IL5RA: variants seen among roughly 807,000 people sequenced by gnomAD.
IL5RA encodes interleukin 5 receptor subunit alpha, also known as interleukin-5 receptor subunit alpha.
In IL5RA, 49 loss-of-function variants were observed where a neutral mutation model predicts 50.0. The observed-to-expected ratio is 0.98, with a 90% CI of 0.78 to 1.24. The LOEUF (loss-of-function observed/expected upper bound fraction) is 1.24, where lower values mean the gene tolerates loss of function less well. Among genes scored for constraint, IL5RA ranks in the 50% most tolerant of loss-of-function variants. IL5RA has a pLI of 0.00. For synonymous variants in IL5RA, 202 were observed against 174.0 expected, an observed-to-expected ratio of 1.16 and a Z score of -1.26; for missense variants, 600 against 500.4, an observed-to-expected ratio of 1.20 and a Z score of -1.90.
chr3:3,081,317 A>G (rs1310074348), intron 9 of IL5RA, among the ~76,000 whole-genome samples: 1 of 152,196 alleles, frequency 6.6e-6, no homozygotes, highest in Non-Finnish European at 1.5e-5. Flanking sequence ...TGAGTAAGGA[A>G]TTCAGCCTGC....
At position 3,101,048 on chromosome 3, in the gene IL5RA, G is replaced by A. The variant is rs550526982; in HGVS notation, c.367+644C>T. Among the ~76,000 whole-genome samples the A allele has an allele frequency of 6.0e-5, 9 of 150,948 alleles. No homozygotes were observed. The South Asian group carries it at 6.3e-4, about 11-fold the overall frequency. ...ACAAAAATTAGTCCAGCATGGAGGC[G>A]CATGCCTATAATCCCAGCTACTCGG... On this transcript the variant is annotated intron_variant, in intron 5 of 11. Coordinates refer to ENST00000446632, the MANE Select transcript of IL5RA (RefSeq NM_175726.4).
intron 11 of IL5RA, 85 bp downstream of exon 11, chr3:3,074,697 T>C: frequency 2.7e-6 from 2 of 734,438 alleles, no homozygotes; most frequent in East Asian, 5.4e-5. Context: ...TGCCTTATAA[T>C]ATAGAAAACT....
At chr3:3,077,580 C>T (rs980329819) in intron 9 of IL5RA, among the ~76,000 whole-genome samples, 3 of 152,170 alleles carry the variant, frequency 2.0e-5, no homozygotes, top group African/African-American at 7.2e-5. Flanking sequence ...ACCAGCCTGG[C>T]CACCATGGTG....
At chr3:3,076,245 C>T (rs187376509) in intron 10 of IL5RA, among the ~76,000 whole-genome samples, 57 of 152,284 alleles carry the variant, frequency 3.7e-4, no homozygotes, top group Admixed American at 3.9e-4. Flanking sequence ...AAAAGAAACC[C>T]GCAAGTAGAA....
chr3:3,089,154 C>T (rs1046723118), intron 9 of IL5RA, among the ~76,000 whole-genome samples: 1 of 152,114 alleles, frequency 6.6e-6, no homozygotes, highest in Non-Finnish European at 1.5e-5. Context: ...AGCCCATTCT[C>T]ACTTCCTTTT....
At chr3:3,099,511 T>TC (rs1455873478) in intron 5 of IL5RA, among the ~76,000 whole-genome samples, 1 of 151,732 alleles carries the variant, frequency 6.6e-6, no homozygotes, top group Non-Finnish European at 1.5e-5. Flanking sequence ...TGCCTATAGT[T>TC]CCAGCTACTC....
intron 3 of IL5RA, among the ~76,000 whole-genome samples, chr3:3,103,395 T>C (rs1703747684): frequency 6.6e-6 from 1 of 152,228 alleles, no homozygotes; most frequent in African/African-American, 2.4e-5. Flanking sequence ...GTTTTAGTAA[T>C]GTGGAAGAAA....
intron 2 of IL5RA, 87 bp from the exon 3 acceptor site, chr3:3,105,074 G>C: frequency 1.2e-6 from 1 of 841,774 alleles, no homozygotes; most frequent in Non-Finnish European, 2.0e-6. Context: ...AAATGCAGTC[G>C]TTTGGCCATT....
intron 3 of IL5RA, among the ~76,000 whole-genome samples, chr3:3,103,540 A>T (rs1703756849): frequency 6.6e-6 from 1 of 152,232 alleles, no homozygotes; most frequent in Non-Finnish European, 1.5e-5. Context: ...ACCTCTTATT[A>T]TGAGTCACAG....
intron 7 of IL5RA, among the ~76,000 whole-genome samples, chr3:3,097,373 T>C (rs4685600): frequency 0.042 from 6,372 of 151,980 alleles, 240 homozygotes; most frequent in Admixed American, 0.11. Flanking sequence ...GGCTATTCTA[T>C]AGGGAAGGGA....
rs1197262807 is a variant in IL5RA, at chr3:3,068,071, TTCA to T, written c.*2151_*2153del. 1.3e-5 allele frequency: 2 copies of T among 152,216 alleles called. No homozygotes were observed. Among genetic ancestry groups the T allele is most frequent in the Admixed American group, 1.3e-4 (2 of 15,280 alleles). The allele number at this position is 152,216 out of a possible 1,614,324, so 9.4% of individuals were successfully genotyped here. On this transcript the variant is annotated 3_prime_UTR_variant, in exon 12 of 12. Coordinates refer to ENST00000446632, the MANE Select transcript of IL5RA (RefSeq NM_175726.4). ...AGCGGCTGATTTTCAAATTTTGGTA[TTCA>T]TAAGACTCTCCTGGAGCAGCAGTTC...
chr3:3,107,249 ATTT>A (rs5846243), intron 2 of IL5RA, among the ~76,000 whole-genome samples: 1 of 148,528 alleles, frequency 6.7e-6, no homozygotes, highest in Non-Finnish European at 1.5e-5. Context: ...AAAGAATGAC[ATTT>A]TTTTTTTTTT....
At chr3:3,096,075 G>A (rs1379465418) in intron 7 of IL5RA, among the ~76,000 whole-genome samples, 1 of 152,008 alleles carries the variant, frequency 6.6e-6, no homozygotes, top group Non-Finnish European at 1.5e-5. Context: ...TCAGGAGATC[G>A]AAACCATCCT....
At position 3,069,324 on chromosome 3, in the gene IL5RA, T is replaced by C. The variant is rs1702222501; in HGVS notation, c.*901A>G. The C allele has an allele frequency of 6.6e-6, 1 of 152,220 alleles. No individual in the cohort carries two copies. Among genetic ancestry groups the C allele is most frequent in the African/African-American group, 2.4e-5 (1 of 41,456 alleles). The allele number at this position is 152,220 out of a possible 1,614,324, so 9.4% of individuals were successfully genotyped here. ...TGATGGAATGGCCTTGTAGAAACTT[T>C]TCCAAACTTGAGAGACTAGGATTGA... is the stretch of plus-strand genomic sequence containing the variant. On this transcript the variant is annotated 3_prime_UTR_variant, in exon 12 of 12. Coordinates refer to ENST00000446632, the MANE Select transcript of IL5RA (RefSeq NM_175726.4).
At position 3,068,734 on chromosome 3, in the gene IL5RA, C is replaced by G. The variant is rs1009611891; in HGVS notation, c.*1491G>C. ...ACCCCTAAGCAGGCCTCAGCTTTCC[C>G]TGACACTCCTCTGCACATTTCTGGG... is the stretch of plus-strand genomic sequence containing the variant. On this transcript the variant is annotated 3_prime_UTR_variant, in exon 12 of 12. Coordinates refer to ENST00000446632, the MANE Select transcript of IL5RA (RefSeq NM_175726.4). 6.6e-6 allele frequency: 1 copy of G among 152,196 alleles called. No individual in the cohort carries two copies. The highest frequency in any genetic ancestry group is 2.4e-5 in the African/African-American group (1 of 41,426). 9.4% of individuals were successfully genotyped at this position (152,196 alleles called of 1,614,324 possible).
rs560582528 is a variant in IL5RA, at chr3:3,070,247, G to A, written c.1241C>T (p.Thr414Ile). 25 of 1,612,188 alleles carry A rather than the reference G, an allele frequency of 1.6e-5. 1 individual carries two copies. In the South Asian group the frequency reaches 2.5e-4, roughly 16 times the overall value. ...ICYIEKPGVE[T>I]LEDSVF ...CAGTCAAAACACAGAATCCTCCAGG[G>A]TCTCAACTCCAGGCTTCTCTATATA... is the stretch of plus-strand genomic sequence containing the variant. Residue 414 changes from threonine (T) to isoleucine (I), a missense_variant, in exon 12 of 12, where the codon ACC becomes ATC. Thr to Ile is a moderately conservative substitution (Grantham distance 89, BLOSUM62 -1). Transcript: ENST00000446632.
At chr3:3,075,828 C>A (rs894368150) in intron 10 of IL5RA, among the ~76,000 whole-genome samples, 20 of 152,116 alleles carry the variant, frequency 1.3e-4, no homozygotes, top group African/African-American at 4.6e-4. Flanking sequence ...TCTCGATCTC[C>A]TGACCTCATG....
chr3:3,086,449 CAT>C (rs1456692722), intron 9 of IL5RA, among the ~76,000 whole-genome samples: 1 of 151,964 alleles, frequency 6.6e-6, no homozygotes, highest in Non-Finnish European at 1.5e-5. Flanking sequence ...AGGAGAAAGA[CAT>C]GTAAAAATTG....
chr3:3,075,838 G>GATCT (rs1702461095), intron 10 of IL5RA, among the ~76,000 whole-genome samples: 1 of 152,052 alleles, frequency 6.6e-6, no homozygotes, highest in African/African-American at 2.4e-5. Flanking sequence ...CTGACCTCAT[G>GATCT]GTCCACCCGC....
Sources: allele counts gnomAD v4.1 joint callset (sites outside exome capture counted in the v4.1 genomes callset), GRCh38; gene constraint gnomAD v4.1.1; transcripts MANE v1.5; gene names NCBI Gene and HGNC (gene_info 2026-07-23, HGNC 2026-07-21).